Variants in PHLPP1 observed in about 807,000 individuals in gnomAD.
PHLPP1 encodes PH domain and leucine rich repeat protein phosphatase 1.
A neutral mutation model predicts 117.2 loss-of-function variants in PHLPP1; 42 were observed. The ratio of observed to expected loss-of-function variants is 0.36; its 90% CI spans 0.28 to 0.46. PHLPP1 has a LOEUF of 0.46. Among genes scored for constraint, PHLPP1 ranks in the 20% least tolerant of loss-of-function variants. The pLI, the probability that PHLPP1 is intolerant of heterozygous loss-of-function variation, is 1.00. For missense variants in PHLPP1, 2,084 were observed against 2,241.9 expected, an observed-to-expected ratio of 0.93 and a Z score of 1.42; for synonymous variants, 1,042 against 970.7, an observed-to-expected ratio of 1.07 and a Z score of -1.37.
chr18:62,753,551 A>C (rs1211872123), intron 1 of PHLPP1, among the ~76,000 whole-genome samples: 1 of 152,186 alleles, frequency 6.6e-6, no homozygotes, highest in East Asian at 1.9e-4. Flanking sequence ...CCTTCCTAAA[A>C]ATTTAATCAG....
intron 1 of PHLPP1, among the ~76,000 whole-genome samples, chr18:62,745,477 A>G (rs1302863639): frequency 6.6e-6 from 1 of 152,236 alleles, no homozygotes; most frequent in East Asian, 1.9e-4. Context: ...TGGTACTATT[A>G]AAAGTGAGGT....
intron 1 of PHLPP1, among the ~76,000 whole-genome samples, chr18:62,733,874 G>A (rs967703492): frequency 2.0e-5 from 3 of 152,156 alleles, no homozygotes; most frequent in African/African-American, 4.8e-5. Context: ...ACAGTCGACC[G>A]AGTTTAGGAT....
At chr18:62,807,754 GA>G (rs1259445359) in intron 1 of PHLPP1, among the ~76,000 whole-genome samples, 2 of 152,080 alleles carry the variant, frequency 1.3e-5, no homozygotes, top group African/African-American at 2.4e-5. Flanking sequence ...TCTAAATATA[GA>G]AAAAAATAAT....
chr18:62,848,882 A>T (rs763510983), intron 3 of PHLPP1, among the ~76,000 whole-genome samples: 1 of 152,218 alleles, frequency 6.6e-6, no homozygotes. Flanking sequence ...AAGTTCTACT[A>T]CCTTACTCCT....
intron 1 of PHLPP1, chr18:62,731,454 G>C (rs1208449053): frequency 2.0e-5 from 3 of 152,160 alleles, no homozygotes; most frequent in Non-Finnish European, 4.4e-5. Flanking sequence ...ATAAAGTTGT[G>C]TGTGTTTTGA....
In PHLPP1 at chr18:62,716,742, T is replaced by A; in HGVS notation, c.1059T>A (p.Ser353Arg). 1.3e-6 allele frequency: 2 copies of A among 1,514,526 alleles called. No homozygotes were observed. Among genetic ancestry groups the A allele is most frequent in the Non-Finnish European group, 1.8e-6 (2 of 1,137,246 alleles). The allele number at this position is 1,514,526 out of a possible 1,614,324, so 93.8% of individuals were successfully genotyped here. The part of the protein sequence containing the change: ...VVSDTESFSL[S>R]PSAESVSDRL... ...CCGACACCGAGAGCTTCAGTCTGAG[T>A]CCCAGCGCCGAGAGCGTGTCTGACC... The change falls in exon 1 of 17, where the codon AGT becomes AGA. Residue 353 changes from serine (S) to arginine (R), a missense_variant. Transcript: ENST00000262719. This position sits in a 1 kb window ranked among gnomAD's most constrained non-coding sequence, Gnocchi z 5.7.
At position 62,975,522 on chromosome 18, in the gene PHLPP1, T is replaced by C; in HGVS notation, c.3881T>C (p.Val1294Ala). 1 of 1,613,912 alleles carries C rather than the reference T, an allele frequency of 6.2e-7. No homozygotes were observed. Among genetic ancestry groups the C allele is most frequent in the East Asian group, 2.2e-5 (1 of 44,884 alleles). ...GCTAATGTGGGCAAGTGCCAAACAGTTCTCTGTCGAAATGGAAAGCCGCTG... is the reference window on the plus strand; with the variant it reads ...GCTAATGTGGGCAAGTGCCAAACAGCTCTCTGTCGAAATGGAAAGCCGCTG... ...TSANVGKCQTVLCRNGKPLPL... is the reference protein window; with the variant it reads ...TSANVGKCQTALCRNGKPLPL... The change falls in exon 16 of 17, where the codon GTT (valine) becomes GCT (alanine). Residue 1294 changes from valine to alanine, a missense_variant. Physicochemically the swap from Val to Ala is moderately conservative, Grantham distance 64. Transcript: ENST00000262719.
intron 5 of PHLPP1, 67 bp downstream of exon 5, chr18:62,895,224 G>A: frequency 4.7e-6 from 7 of 1,505,088 alleles, no homozygotes; most frequent in Non-Finnish European, 6.4e-6. Context: ...TGGGGGTGTG[G>A]CACATGAGAT....
intron 13 of PHLPP1, among the ~76,000 whole-genome samples, 195 bp downstream of exon 13, chr18:62,958,954 C>T (rs184119744): frequency 6.1e-4 from 93 of 152,304 alleles, no homozygotes; most frequent in African/African-American, 2.1e-3. Flanking sequence ...TCACTGATAA[C>T]GTGGTTGTGA....
In PHLPP1 at chr18:62,958,778, A is replaced by G. The variant is rs757335525; in HGVS notation, c.3455+19A>G. ...TACTGAAGTAAGTATTCTGTAAAGCACTGTATCCCCATCATTGTCCACTGG... is the reference window on the plus strand; with the variant it reads ...TACTGAAGTAAGTATTCTGTAAAGCGCTGTATCCCCATCATTGTCCACTGG... On this transcript the variant is annotated intron_variant, in intron 13 of 16. Transcript: ENST00000262719. The G allele has an allele frequency of 6.2e-7, 1 of 1,613,438 alleles. No homozygotes were observed. Among genetic ancestry groups the G allele is most frequent in the Non-Finnish European group, 8.5e-7 (1 of 1,179,582 alleles).
intron 4 of PHLPP1, among the ~76,000 whole-genome samples, chr18:62,885,356 A>G (rs1476448096): frequency 1.3e-5 from 2 of 152,166 alleles, no homozygotes; most frequent in East Asian, 3.8e-4. Flanking sequence ...ACCGTGGTTT[A>G]CTTGTTTTAA....
At chr18:62,940,345 C>T (rs1192304918) in intron 10 of PHLPP1, among the ~76,000 whole-genome samples, 67 of 78,946 alleles carry the variant, frequency 8.5e-4, no homozygotes, top group South Asian at 1.6e-3. Flanking sequence ...GTTTCTTTTT[C>T]TTTCTTTTCT....
intron 1 of PHLPP1, among the ~76,000 whole-genome samples, chr18:62,767,505 C>T (rs941797742): frequency 6.6e-6 from 1 of 152,158 alleles, no homozygotes; most frequent in African/African-American, 2.4e-5. Context: ...AGTTACGGCC[C>T]ATATATGGCA....
intron 14 of PHLPP1, among the ~76,000 whole-genome samples, chr18:62,971,564 G>A (rs1911048775): frequency 6.6e-6 from 1 of 152,014 alleles, no homozygotes; most frequent in African/African-American, 2.4e-5. Context: ...TCAGCCCCCA[G>A]CTCCATCTCC....
intron 1 of PHLPP1, among the ~76,000 whole-genome samples, chr18:62,742,160 T>C (rs1328292262): frequency 6.6e-6 from 1 of 152,194 alleles, no homozygotes; most frequent in African/African-American, 2.4e-5. Flanking sequence ...ATGACTATCA[T>C]TTCCTAACTT....
intron 1 of PHLPP1, among the ~76,000 whole-genome samples, chr18:62,821,448 C>G (rs1180716673): frequency 6.8e-6 from 1 of 147,276 alleles, no homozygotes; most frequent in African/African-American, 2.5e-5. Context: ...ACTTGGGAGG[C>G]TGGGCTGGGA....
chr18:62,861,687 GT>G (rs972878889), intron 4 of PHLPP1, among the ~76,000 whole-genome samples: 70 of 152,164 alleles, frequency 4.6e-4, no homozygotes, highest in African/African-American at 1.7e-3. Flanking sequence ...TCTGTTTATG[GT>G]TTTTAACATC....
intron 1 of PHLPP1, among the ~76,000 whole-genome samples, chr18:62,804,047 A>T (rs559038750): frequency 6.6e-6 from 1 of 152,308 alleles, no homozygotes; most frequent in South Asian, 2.1e-4. Flanking sequence ...AAAGGGAAAG[A>T]TGTGTAATTG....
Position 62,955,472 on chromosome 18 carries a change from G to T in PHLPP1, c.3325-3157G>T, listed in dbSNP as rs769364789. On this transcript the variant is annotated intron_variant, in intron 12 of 16. Transcript: ENST00000262719. ...ATTTCTGGTGCAGCCAGAGCCCTCC[G>T]GGGGAAATGGGATGCAGGTCAGTCC... Among the ~76,000 whole-genome samples, 13 of 152,116 alleles carry T rather than the reference G, an allele frequency of 8.5e-5. No individual in the cohort carries two copies. In the South Asian group the frequency reaches 1.7e-3, roughly 19 times the overall value.
Sources: gnomAD v4.1 joint callset for allele counts (sites outside exome capture counted in the v4.1 genomes callset) on GRCh38, gnomAD v4.1.1 for gene constraint, Gnocchi (gnomAD v3.1) non-coding constraint, MANE v1.5 for transcripts, NCBI Gene and HGNC (gene_info 2026-07-23, HGNC 2026-07-21) for gene names.